IGSF10: variants seen among roughly 807,000 people sequenced by gnomAD.
The protein encoded by IGSF10 is immunoglobulin superfamily member 10, also known as calvaria mechanical force protein 608.
IGSF10 carries 126 observed loss-of-function variants against 128.2 expected under a neutral mutation model. The ratio of observed to expected loss-of-function variants is 0.98; its 90% CI spans 0.85 to 1.14. The LOEUF (loss-of-function observed/expected upper bound fraction) is 1.14. Ranked by LOEUF, IGSF10 falls within the 50% of genes most tolerant of loss-of-function variation. IGSF10 has a pLI of 0.00. For synonymous variants in IGSF10, 1,185 were observed against 1,146.2 expected, an observed-to-expected ratio of 1.03 and a Z score of -0.68; for missense variants, 3,295 against 3,149.8, an observed-to-expected ratio of 1.05 and a Z score of -1.10.
intron 2 of IGSF10, 89 bp from the exon 3 acceptor site, chr3:151,458,799 C>T: frequency 8.9e-7 from 1 of 1,117,420 alleles, no homozygotes; most frequent in East Asian, 2.5e-5. Flanking sequence ...TCTGGGAGAC[C>T]TTCTTTAAGG....
chr3:151,609,945 C>T, the IGSF10 span, among the ~76,000 whole-genome samples: 5 of 152,098 alleles, frequency 3.3e-5, no homozygotes, highest in South Asian at 6.2e-4. Context: ...TCATGCAGTA[C>T]ACCCATGTAA....
Position 151,445,006 on chromosome 3 carries a change from T to C in IGSF10, c.4975A>G (p.Thr1659Ala), listed in dbSNP as rs2108547202. The C allele has an allele frequency of 6.2e-7, 1 of 1,614,170 alleles. No individual in the cohort carries two copies. Among genetic ancestry groups the C allele is most frequent in the South Asian group, 1.1e-5 (1 of 91,086 alleles). Reference sequence around the variant, plus strand: ...AAGGCATCTGAGTTAGCTGGAATAGTAAAACTTGCAGCTTTTCCTCCAACT... The same window carrying C: ...AAGGCATCTGAGTTAGCTGGAATAGCAAAACTTGCAGCTTTTCCTCCAACT... ...RIVGGKAASFTIPANSDAFLP... is the reference protein window; with the variant it reads ...RIVGGKAASFAIPANSDAFLP... Residue 1659 changes from threonine to alanine, a missense_variant, in exon 6 of 8, where the codon ACT becomes GCT. Physicochemically the swap from Thr to Ala is moderately conservative, Grantham distance 58. Transcript: ENST00000282466.
At chr3:151,546,524 T>G in the IGSF10 span, among the ~76,000 whole-genome samples, 5 of 151,578 alleles carry the variant, frequency 3.3e-5, no homozygotes, top group African/African-American at 9.7e-5. Flanking sequence ...ATTTTTTTTT[T>G]TTTTTAATAT....
Position 151,448,871 on chromosome 3 carries a change from G to T in IGSF10, c.1110C>A (p.His370Gln), listed in dbSNP as rs926016616. 1.2e-6 allele frequency: 2 copies of T among 1,614,092 alleles called. No individual in the cohort carries two copies. Among genetic ancestry groups the T allele is most frequent in the East Asian group, 2.2e-5 (1 of 44,902 alleles). Residue 370 changes from histidine to glutamine, a missense_variant, in exon 6 of 8, where the codon CAC (histidine) becomes CAA (glutamine). His to Gln is a conservative substitution (Grantham distance 24, BLOSUM62 0). Transcript: ENST00000282466. ...TFLVCNIDYG[H>Q]IQPVWQILAL... is the part of the protein sequence containing the mutation. ...CCAAAATTTGCCACACTGGCTGAAT[G>T]TGACCGTAATCTATGTTGCACACCA...
chr3:151,561,749 A>G, the IGSF10 span, among the ~76,000 whole-genome samples: 1 of 152,178 alleles, frequency 6.6e-6, no homozygotes, highest in Non-Finnish European at 1.5e-5. Context: ...GGGGAGAGGT[A>G]TACATATCTC....
chr3:151,533,325 G>A, the IGSF10 span, among the ~76,000 whole-genome samples: 5 of 152,006 alleles, frequency 3.3e-5, no homozygotes, highest in East Asian at 3.9e-4. Flanking sequence ...AATTTCATAT[G>A]GAACCAAAAA....
chr3:151,466,648 A>G, the IGSF10 span, among the ~76,000 whole-genome samples: 1 of 152,064 alleles, frequency 6.6e-6, no homozygotes, highest in Admixed American at 6.6e-5. Context: ...GCACAATCTC[A>G]GCTCATTGCA....
chr3:151,599,264 C>T, the IGSF10 span, among the ~76,000 whole-genome samples: 15 of 146,830 alleles, frequency 1.0e-4, 1 homozygote, highest in Admixed American at 8.8e-4. Context: ...CTGGGGTGGG[C>T]GGGGCTGAGG....
the IGSF10 span, among the ~76,000 whole-genome samples, chr3:151,489,341 T>C: frequency 6.6e-6 from 1 of 152,150 alleles, no homozygotes; most frequent in East Asian, 1.9e-4. Flanking sequence ...CTGGAGAGGA[T>C]GTGAAGAAAT....
rs149017723 is a variant in IGSF10 at position 151,460,551 on chromosome 3, T to A, written c.-88-204A>T. 3.9e-3 allele frequency among the ~76,000 whole-genome samples: 600 copies of A among 152,354 alleles called. 2 individuals are homozygous for A. Among genetic ancestry groups the A allele is most frequent in the African/African-American group, 0.014 (582 of 41,582 alleles). ...AAACAAAAGGCTAAGTGGAGGTTTT[T>A]AAATTTCCTTTCTCCTCCCTCAGTA... On this transcript the variant is annotated intron_variant, in intron 1 of 7. Transcript: ENST00000282466.
At chr3:151,464,361 C>A (rs990824452), upstream of IGSF10, among the ~76,000 whole-genome samples, 1 of 152,060 alleles carries the variant, frequency 6.6e-6, no homozygotes, top group Non-Finnish European at 1.5e-5. Flanking sequence ...TCTTCTTCAC[C>A]TTTTATATCA....
At chr3:151,616,414 G>T in the IGSF10 span, among the ~76,000 whole-genome samples, 5 of 152,150 alleles carry the variant, frequency 3.3e-5, no homozygotes, top group East Asian at 5.8e-4. Flanking sequence ...ATAGAATGGT[G>T]TTATTATATC....
intron 2 of IGSF10, among the ~76,000 whole-genome samples, chr3:151,459,339 T>G (rs947208581): frequency 1.3e-5 from 2 of 152,230 alleles, no homozygotes; most frequent in Non-Finnish European, 2.9e-5. Flanking sequence ...TATATAATGT[T>G]TTTTCATTTT....
chr3:151,485,945 A>G, the IGSF10 span, among the ~76,000 whole-genome samples: 2 of 133,104 alleles, frequency 1.5e-5, no homozygotes, highest in African/African-American at 3.0e-5. Flanking sequence ...GAATTCACAC[A>G]TAACAATATT....
the IGSF10 span, among the ~76,000 whole-genome samples, chr3:151,511,951 C>A: frequency 3.3e-5 from 5 of 152,270 alleles, no homozygotes; most frequent in South Asian, 2.1e-4. Flanking sequence ...CAGGAGCACC[C>A]AGATTCATAA....
At chr3:151,502,334 G>T in the IGSF10 span, among the ~76,000 whole-genome samples, 3 of 151,928 alleles carry the variant, frequency 2.0e-5, no homozygotes, top group Non-Finnish European at 2.9e-5. Flanking sequence ...AAATCTTAAT[G>T]TTCTGGAGTT....
chr3:151,581,412 T>C, the IGSF10 span, among the ~76,000 whole-genome samples: 1 of 152,224 alleles, frequency 6.6e-6, no homozygotes, highest in African/African-American at 2.4e-5. Flanking sequence ...GTATTTCTTT[T>C]TGTGCTCACT....
the IGSF10 span, among the ~76,000 whole-genome samples, chr3:151,611,860 A>G: frequency 2.6e-5 from 4 of 152,178 alleles, no homozygotes; most frequent in African/African-American, 9.6e-5. Context: ...TAAGCACTGA[A>G]CTAAAAAAGA....
At chr3:151,546,958 A>T in the IGSF10 span, among the ~76,000 whole-genome samples, 1 of 152,032 alleles carries the variant, frequency 6.6e-6, no homozygotes, top group East Asian at 1.9e-4. Context: ...ATTAGTAGAG[A>T]TGGGGTTTCA....
Sources: allele counts gnomAD v4.1 joint callset (sites outside exome capture counted in the v4.1 genomes callset), GRCh38; gene constraint gnomAD v4.1.1; transcripts MANE v1.5; gene names NCBI Gene and HGNC (gene_info 2026-07-23, HGNC 2026-07-21).